DIAPH2: variants seen among roughly 807,000 people sequenced by gnomAD.
DIAPH2 encodes the protein protein diaphanous homolog 2.
Under a neutral mutation model 92.7 loss-of-function variants are expected in DIAPH2, and 35 were observed. The observed-to-expected ratio is 0.38, with a 90% CI of 0.29 to 0.50. DIAPH2 has a LOEUF of 0.50. Among genes scored for constraint, DIAPH2 ranks in the 20% least tolerant of loss-of-function variants. DIAPH2 has a pLI of 0.94. For synonymous variants in DIAPH2, 301 were observed against 280.4 expected (o/e 1.07, Z -0.73); for missense variants, 701 against 819.5 (o/e 0.86, Z 1.77).
intron 22 of DIAPH2, among the ~76,000 whole-genome samples, chrX:97,243,357 AGT>A (rs2068113971): frequency 9.1e-6 from 1 of 109,302 alleles, no homozygotes; most frequent in South Asian, 4.1e-4. Flanking sequence ...GGCCTTAAGA[AGT>A]AAGCTCTAAC....
intron 4 of DIAPH2, among the ~76,000 whole-genome samples, chrX:96,804,004 A>G (rs1282985925): frequency 9.0e-6 from 1 of 111,206 alleles, no homozygotes; most frequent in Non-Finnish European, 1.9e-5. Flanking sequence ...GCGCCACTGC[A>G]CTCCAGCCTA....
chrX:97,008,374 C>T (rs770113541), intron 17 of DIAPH2, among the ~76,000 whole-genome samples: 29 of 110,790 alleles, frequency 2.6e-4, no homozygotes, highest in Non-Finnish European at 4.5e-4. Flanking sequence ...TTGAATTCTC[C>T]ATCTGAAAGG....
At chrX:97,307,518 A>G (rs1282771142) in intron 23 of DIAPH2, among the ~76,000 whole-genome samples, 1 of 112,071 alleles carries the variant, frequency 8.9e-6, no homozygotes, top group African/African-American at 3.2e-5. Flanking sequence ...TTATTTTTTC[A>G]TGATATTTAC....
At chrX:96,793,605 C>T (rs749902460) in intron 4 of DIAPH2, 1 of 374,384 alleles carries the variant, frequency 2.7e-6, no homozygotes, top group South Asian at 2.4e-5. Flanking sequence ...CAGACTGTTC[C>T]CTTCTCACTG....
chrX:97,446,986 T>C (rs1293053160), intron 26 of DIAPH2, among the ~76,000 whole-genome samples: 2 of 110,873 alleles, frequency 1.8e-5, no homozygotes, highest in Non-Finnish European at 1.9e-5. Flanking sequence ...GTGGAATTCA[T>C]CACAGAGTAT....
chrX:97,212,393 T>C (rs189310195), intron 22 of DIAPH2, among the ~76,000 whole-genome samples: 61 of 110,955 alleles, frequency 5.5e-4, no homozygotes, highest in Non-Finnish European at 1.0e-3. Context: ...GAAAAAGATA[T>C]GTTAGAACCT....
chrX:97,166,825 C>T (rs1318182790), intron 22 of DIAPH2, among the ~76,000 whole-genome samples: 2 of 111,938 alleles, frequency 1.8e-5, no homozygotes, highest in Non-Finnish European at 3.8e-5. Context: ...AACGGAACTA[C>T]TATCCTGAAC....
intron 23 of DIAPH2, among the ~76,000 whole-genome samples, chrX:97,250,987 C>T (rs1441212949): frequency 9.0e-6 from 1 of 111,439 alleles, no homozygotes; most frequent in Non-Finnish European, 1.9e-5. Flanking sequence ...ATGGAGTTTC[C>T]AAGGCTATTT....
intron 4 of DIAPH2, among the ~76,000 whole-genome samples, chrX:96,851,643 C>A (rs894890096): frequency 1.8e-5 from 2 of 112,066 alleles, no homozygotes; most frequent in South Asian, 7.4e-4. Flanking sequence ...GGAAAAGAGT[C>A]TGTATATGTT....
intron 26 of DIAPH2, among the ~76,000 whole-genome samples, chrX:97,509,765 T>A (rs751146047): frequency 9.2e-6 from 1 of 108,683 alleles, no homozygotes; most frequent in African/African-American, 3.4e-5. Flanking sequence ...GGTGTTTGGT[T>A]TTTTGTCCTT....
At chrX:97,513,915 C>T (rs1374479478) in intron 26 of DIAPH2, among the ~76,000 whole-genome samples, 1 of 102,802 alleles carries the variant, frequency 9.7e-6, no homozygotes, top group Non-Finnish European at 2.0e-5. Flanking sequence ...GAGGGTAACC[C>T]GACCTTTCTC....
chrX:96,873,185 T>C (rs1276532039), intron 4 of DIAPH2, among the ~76,000 whole-genome samples: 1 of 111,855 alleles, frequency 8.9e-6, no homozygotes, highest in Non-Finnish European at 1.9e-5. Context: ...ATGCATGATG[T>C]TGAGCACCTT....
chrX:97,510,453 G>A (rs1168206549), intron 26 of DIAPH2, among the ~76,000 whole-genome samples: 3 of 111,291 alleles, frequency 2.7e-5, no homozygotes, highest in Non-Finnish European at 5.7e-5. Flanking sequence ...CTCCCATTCT[G>A]TAGGTTGCCT....
chrX:97,374,485 T>C (rs1024713647), intron 24 of DIAPH2, among the ~76,000 whole-genome samples: 1 of 112,083 alleles, frequency 8.9e-6, no homozygotes, highest in Non-Finnish European at 1.9e-5. Flanking sequence ...GTTGCAATCG[T>C]AGTTGATTGG....
Position 97,036,009 on chromosome X carries a change from T to A in DIAPH2, c.2051-36932T>A, listed in dbSNP as rs1052124673. On this transcript the variant is annotated intron_variant, in intron 17 of 26. Coordinates refer to ENST00000324765, the MANE Select transcript of DIAPH2 (RefSeq NM_006729.5). ...CTTATAGGAAAAGGAGCCAGAGAAG[T>A]GAGAAGAATAATATTTGAAAATAGA... Among the ~76,000 whole-genome samples the A allele has an allele frequency of 2.4e-4, 27 of 111,112 alleles. 1 individual carries two copies. Among genetic ancestry groups the A allele is most frequent in the African/African-American group, 8.2e-4 (25 of 30,638 alleles).
intron 17 of DIAPH2, among the ~76,000 whole-genome samples, chrX:97,030,955 G>C (rs963913800): frequency 9.0e-6 from 1 of 111,724 alleles, no homozygotes; most frequent in East Asian, 2.8e-4. Flanking sequence ...TAGAGACTTT[G>C]TGCCTTTACT....
At chrX:97,586,192 A>C (rs184706744) in intron 26 of DIAPH2, among the ~76,000 whole-genome samples, 34 of 111,896 alleles carry the variant, frequency 3.0e-4, no homozygotes, top group Non-Finnish European at 6.0e-4. Context: ...CCTGCTGGGC[A>C]GGTCCACTCA....
intron 23 of DIAPH2, among the ~76,000 whole-genome samples, chrX:97,333,832 T>A (rs1006172845): frequency 1.4e-4 from 16 of 110,534 alleles, no homozygotes; most frequent in Non-Finnish European, 2.8e-4. Flanking sequence ...CCCAAAGTGC[T>A]GGGATTACAT....
intron 19 of DIAPH2, among the ~76,000 whole-genome samples, chrX:97,097,878 C>T (rs1209977346): frequency 1.8e-5 from 2 of 112,187 alleles, no homozygotes; most frequent in Admixed American, 9.4e-5. Flanking sequence ...TATTTACTTA[C>T]CTTCTTATTC....
Sources: gnomAD v4.1 joint callset for allele counts (sites outside exome capture counted in the v4.1 genomes callset) on GRCh38, gnomAD v4.1.1 for gene constraint, MANE v1.5 for transcripts, NCBI Gene and HGNC (gene_info 2026-07-23, HGNC 2026-07-21) for gene names.